The following MCTP1 variants were observed in gnomAD, a reference collection of about 807,000 sequenced individuals.
MCTP1 encodes the protein multiple C2 and transmembrane domain-containing protein 1.
Under a neutral mutation model 120.6 loss-of-function variants are expected in MCTP1, and 69 were observed. The observed-to-expected ratio is 0.57, with a 90% confidence interval of 0.47 to 0.70. The LOEUF is 0.70. Among genes scored for constraint, MCTP1 ranks in the 30% least tolerant of loss-of-function variants. MCTP1 has a pLI of 0.00. For missense variants in MCTP1, 1,203 were observed against 1,248.8 expected, an observed-to-expected ratio of 0.96 and a Z score of 0.55; for synonymous variants, 529 against 493.1, an observed-to-expected ratio of 1.07 and a Z score of -0.96.
chr5:95,243,152 A>C (rs1405846918), intron 1 of MCTP1, among the ~76,000 whole-genome samples: 2 of 152,234 alleles, frequency 1.3e-5, no homozygotes, highest in Non-Finnish European at 2.9e-5. Flanking sequence ...ACAAACTACG[A>C]AAGTAACGGA....
At chr5:94,913,118 A>T in intron 8 of MCTP1, 142 bp from the exon 9 acceptor site, 1 of 319,082 alleles carries the variant, frequency 3.1e-6, no homozygotes, top group Non-Finnish European at 5.6e-6. Flanking sequence ...ATAATTATGA[A>T]TTATTAATTA....
chr5:94,797,179 T>C (rs1220196312), intron 18 of MCTP1, among the ~76,000 whole-genome samples: 2 of 152,188 alleles, frequency 1.3e-5, no homozygotes, highest in Non-Finnish European at 2.9e-5. Flanking sequence ...CAAAAGCGGA[T>C]GTTTCCAACC....
At chr5:95,012,129 A>C (rs1210733871) in intron 2 of MCTP1, among the ~76,000 whole-genome samples, 1 of 152,092 alleles carries the variant, frequency 6.6e-6, no homozygotes, top group Non-Finnish European at 1.5e-5. Context: ...GGAAATATAC[A>C]CACACACCTA....
At chr5:94,797,778 AAG>A (rs1561653884) in intron 18 of MCTP1, among the ~76,000 whole-genome samples, 2 of 152,182 alleles carry the variant, frequency 1.3e-5, no homozygotes, top group East Asian at 3.8e-4. Context: ...ATAATCTAGT[AAG>A]AGAGACAGAA....
At chr5:94,731,930 C>T (rs565624498) in intron 19 of MCTP1, among the ~76,000 whole-genome samples, 17 of 152,018 alleles carry the variant, frequency 1.1e-4, no homozygotes, top group African/African-American at 3.6e-4. Flanking sequence ...TTTATTTATT[C>T]TTTTACCTTA....
At chr5:94,987,258 A>G (rs1466047764) in intron 2 of MCTP1, among the ~76,000 whole-genome samples, 2 of 152,102 alleles carry the variant, frequency 1.3e-5, no homozygotes, top group Non-Finnish European at 2.9e-5. Flanking sequence ...TATATTTGAT[A>G]GCTATAATAA....
chr5:94,946,330 C>T (rs1441352345), intron 3 of MCTP1, among the ~76,000 whole-genome samples: 1 of 152,058 alleles, frequency 6.6e-6, no homozygotes, highest in Admixed American at 6.6e-5. Flanking sequence ...TCCAGATGGG[C>T]CAGCTCATAT....
chr5:95,123,105 TAACTC>T (rs1286294900), intron 1 of MCTP1, among the ~76,000 whole-genome samples: 1 of 152,196 alleles, frequency 6.6e-6, no homozygotes, highest in East Asian at 1.9e-4. Context: ...CATTTTAAAA[TAACTC>T]AAGGAGTATA....
intron 1 of MCTP1, among the ~76,000 whole-genome samples, chr5:95,083,547 T>C (rs1329779889): frequency 6.6e-6 from 1 of 152,200 alleles, no homozygotes; most frequent in African/African-American, 2.4e-5. Context: ...CCACTTTTGC[T>C]AACATTGAGA....
intron 1 of MCTP1, among the ~76,000 whole-genome samples, chr5:95,078,169 T>G (rs1032213800): frequency 6.6e-6 from 1 of 152,188 alleles, no homozygotes; most frequent in Non-Finnish European, 1.5e-5. Context: ...ATGGACCTAG[T>G]TGTATAACAG....
intron 1 of MCTP1, among the ~76,000 whole-genome samples, chr5:95,133,805 A>G (rs1437889563): frequency 6.6e-6 from 1 of 152,236 alleles, no homozygotes; most frequent in Non-Finnish European, 1.5e-5. Context: ...GCCACAGATA[A>G]GCAGGGACCA....
intron 1 of MCTP1, among the ~76,000 whole-genome samples, chr5:95,025,410 G>T (rs1839074546): frequency 6.6e-6 from 1 of 152,140 alleles, no homozygotes; most frequent in Admixed American, 6.6e-5. Context: ...CAGAGTTCTA[G>T]GCACAGTTTG....
rs1308617714 is a variant in MCTP1, at chr5:95,284,744, T to C, written c.-169A>G. ...GAGTGCCCAGCGACTTCAGGCCAGC[T>C]CGGGGGAAAGAAGCGGCCGCCGCCG... On this transcript the variant is annotated 5_prime_UTR_variant, in exon 1 of 23. Coordinates refer to ENST00000515393, the MANE Select transcript of MCTP1 (RefSeq NM_024717.7). This position sits in a 1 kb window ranked among gnomAD's most constrained non-coding sequence, Gnocchi z 5.2. Among the ~76,000 whole-genome samples the C allele has an allele frequency of 3.3e-5, 5 of 151,048 alleles. No homozygotes were observed. The highest frequency in any genetic ancestry group is 3.3e-4 in the Admixed American group (5 of 15,242).
At position 95,284,367 on chromosome 5, in the gene MCTP1, C is replaced by G. The variant is rs750626695; in HGVS notation, c.209G>C (p.Arg70Thr). 3.0e-5 allele frequency: 48 copies of G among 1,595,878 alleles called. No individual in the cohort carries two copies. Among genetic ancestry groups the G allele is most frequent in the Non-Finnish European group, 3.7e-5 (44 of 1,179,026 alleles). ...PPVGTGNAPARGSGAGSRWSG... is the reference protein window; with the variant it reads ...PPVGTGNAPATGSGAGSRWSG... Reference sequence around the variant, plus strand: ...CCACCTGCTGCCTGCACCACTCCCCCTGGCCGGTGCATTCCCTGTGCCCAC... The same window carrying G: ...CCACCTGCTGCCTGCACCACTCCCCGTGGCCGGTGCATTCCCTGTGCCCAC... Residue 70 changes from arginine (R) to threonine (T), a missense_variant, in exon 1 of 23, where the codon AGG becomes ACG. Transcript: ENST00000515393. This position sits in a 1 kb window ranked among gnomAD's most constrained non-coding sequence, Gnocchi z 5.2.
intron 10 of MCTP1, among the ~76,000 whole-genome samples, chr5:94,900,341 T>G (rs1225906683): frequency 6.6e-6 from 1 of 152,214 alleles, no homozygotes; most frequent in Non-Finnish European, 1.5e-5. Flanking sequence ...TCTCAGCACG[T>G]GGCACACCAA....
rs535684098 is a variant in MCTP1 at position 94,741,872 on chromosome 5, C to G, written c.2611-26986G>C. The stretch of plus-strand genomic sequence containing the variant: ...CATGAATTCCTTAACCTCCCTAAAC[C>G]TCAGTTTCCTCAGATGTGAGATTGG... On this transcript the variant is annotated intron_variant, in intron 19 of 22. Coordinates refer to ENST00000515393, the MANE Select transcript of MCTP1 (RefSeq NM_024717.7). 5.9e-5 allele frequency among the ~76,000 whole-genome samples: 9 copies of G among 152,294 alleles called. No homozygotes were observed. In the East Asian group the frequency reaches 1.7e-3, roughly 29 times the overall value.
chr5:95,158,255 A>G (rs920345120), intron 1 of MCTP1, among the ~76,000 whole-genome samples: 2 of 152,194 alleles, frequency 1.3e-5, no homozygotes, highest in African/African-American at 2.4e-5. Flanking sequence ...TCATCATCAC[A>G]TATCATTCAT....
intron 1 of MCTP1, among the ~76,000 whole-genome samples, chr5:95,044,787 T>C (rs1309916654): frequency 6.6e-6 from 1 of 151,734 alleles, no homozygotes; most frequent in Non-Finnish European, 1.5e-5. Flanking sequence ...GTGTCTTCAC[T>C]CTGTCCTCTT....
chr5:94,851,717 GAA>G (rs1793762735), intron 17 of MCTP1, among the ~76,000 whole-genome samples: 1 of 151,906 alleles, frequency 6.6e-6, no homozygotes, highest in Non-Finnish European at 1.5e-5. Flanking sequence ...AATCGTCAAA[GAA>G]AAGGCATTTA....
Sources: allele counts gnomAD v4.1 joint callset (sites outside exome capture counted in the v4.1 genomes callset), GRCh38; gene constraint gnomAD v4.1.1; non-coding constraint Gnocchi (gnomAD v3.1); transcripts MANE v1.5; gene names NCBI Gene and HGNC (gene_info 2026-07-23, HGNC 2026-07-21).